The following DDR1 variants were observed in gnomAD, a reference collection of about 807,000 sequenced individuals.
DDR1 encodes the protein discoidin domain receptor tyrosine kinase 1, also known as epithelial discoidin domain-containing receptor 1.
A neutral mutation model predicts 97.4 loss-of-function variants in DDR1; 64 were observed. That is an observed-to-expected ratio of 0.66 (90% CI 0.54 to 0.81). The LOEUF (loss-of-function observed/expected upper bound fraction) is 0.81. Ranked by LOEUF, DDR1 falls within the 30% of genes least tolerant of loss-of-function variation. The probability of loss-of-function intolerance (pLI) is 0.00; values close to 1 mark genes in which losing one functional copy is unlikely to be tolerated. For synonymous variants in DDR1, 458 were observed against 503.7 expected (o/e 0.91, Z 1.21); for missense variants, 990 against 1,259.6 (o/e 0.79, Z 3.24).
rs746818887 is a variant in DDR1 at position 30,896,575 on chromosome 6, C to G, written c.1625-46C>G. On this transcript the variant is annotated intron_variant, in intron 12 of 17. Transcript: ENST00000376568. ...GGTGTGGGGAACTATAGCTCTTGGG[C>G]TGTTCCTGATGCCTCGTCCTGTCTT... is the stretch of plus-strand genomic sequence containing the variant. 29 of 1,585,056 alleles carry G rather than the reference C, an allele frequency of 1.8e-5. 1 individual carries two copies. The South Asian group carries it at 3.4e-4, about 18-fold the overall frequency.
rs1471120297 is a variant in DDR1 at position 30,896,750 on chromosome 6, C to A, written c.1754C>A (p.Thr585Asn). The A allele has an allele frequency of 6.3e-7, 1 of 1,593,858 alleles. No homozygotes were observed. The change falls in exon 13 of 18, where the codon ACC (threonine) becomes AAC (asparagine). Residue 585 changes from threonine (T) to asparagine (N), a missense_variant. Transcript: ENST00000376568. ...VTLQGVTGGNTYAVPALPPGA... is the reference protein window; with the variant it reads ...VTLQGVTGGNNYAVPALPPGA... ...CTGCAGGGCGTCACCGGGGGCAACA[C>A]CTATGCTGTGCCTGCACTGCCCCCA...
rs748412864 is a variant in DDR1 at position 30,890,850 on chromosome 6, C to T, written c.418-123C>T. The T allele has an allele frequency of 2.2e-5, 23 of 1,032,332 alleles. No homozygotes were observed. Among genetic ancestry groups the T allele is most frequent in the African/African-American group, 3.3e-5 (2 of 61,434 alleles). The allele number at this position is 1,032,332 out of a possible 1,614,324, so 63.9% of individuals were successfully genotyped here. On this transcript the variant is annotated intron_variant, in intron 4 of 17. Transcript: ENST00000376568. This position sits in a 1 kb window ranked among gnomAD's most constrained non-coding sequence, Gnocchi z 5.0. ...GCTGCGCCCCACAGTGCTGTGTGCT[C>T]GGTGCCACCCCTCATGGGTCTCTAA...
intron 10 of DDR1, among the ~76,000 whole-genome samples, chr6:30,893,821 G>A (rs1271261367): frequency 6.6e-6 from 1 of 152,230 alleles, no homozygotes; most frequent in Non-Finnish European, 1.5e-5. Context: ...GCCTGTTGGT[G>A]CAGTGTACAC....
chr6:30,885,075 G>A (rs1785283441), intron 1 of DDR1: 3 of 853,292 alleles, frequency 3.5e-6, no homozygotes, highest in African/African-American at 1.7e-5. Flanking sequence ...CAGTCCCTGC[G>A]GGCATCTAAC....
chr6:30,885,799 T>C (rs1462776201), intron 1 of DDR1: 2 of 1,290,270 alleles, frequency 1.6e-6, no homozygotes, highest in Admixed American at 4.6e-5. Flanking sequence ...CCTCGCTGTT[T>C]ACAGCCAGTT....
At chr6:30,895,057 A>T (rs768807057) in intron 11 of DDR1, among the ~76,000 whole-genome samples, 1 of 151,970 alleles carries the variant, frequency 6.6e-6, no homozygotes, top group African/African-American at 2.4e-5. Flanking sequence ...ATCTTCCATC[A>T]TCTGTCTTTC....
At position 30,890,516 on chromosome 6, in the gene DDR1, A is replaced by G; in HGVS notation, c.418-457A>G. 6.2e-6 allele frequency: 1 copy of G among 161,162 alleles called. No homozygotes were observed. The highest frequency in any genetic ancestry group is 1.3e-5 in the Non-Finnish European group (1 of 74,586). The allele number at this position is 161,162 out of a possible 1,614,324, so 10.0% of individuals were successfully genotyped here. A position where few individuals can be genotyped will look rare whatever the true frequency, so the allele number is the denominator to read the frequency against. ...CTTCGCAGCTGTTTTCCCTGCTGGGATCTCAGTCCTACAAGGGTGGGGAGT... is the reference window on the plus strand; with the variant it reads ...CTTCGCAGCTGTTTTCCCTGCTGGGGTCTCAGTCCTACAAGGGTGGGGAGT... On this transcript the variant is annotated intron_variant, in intron 4 of 17. Coordinates refer to ENST00000376568, the MANE Select transcript of DDR1 (RefSeq NM_001297654.2). The surrounding 1 kb of genome is among the most constrained non-coding windows in gnomAD (Gnocchi z 5.0).
intron 8 of DDR1, chr6:30,892,793 A>ATT (rs1293851723): frequency 1.7e-5 from 10 of 582,280 alleles, no homozygotes; most frequent in Non-Finnish European, 2.9e-5. Flanking sequence ...TGGTTGTTAA[A>ATT]ATATTGAAAT....
At position 30,890,477 on chromosome 6, in the gene DDR1, T is replaced by C. The variant is rs7743661; in HGVS notation, c.418-496T>C. 0.26 allele frequency: 40,288 copies of C among 155,460 alleles called. 6,159 individuals are homozygous for C. Among genetic ancestry groups the C allele is most frequent in the East Asian group, 0.61 (3,163 of 5,202 alleles). 9.6% of individuals were successfully genotyped at this position (155,460 alleles called of 1,614,324 possible). Reference sequence around the variant, plus strand: ...CCCACCTCACTGCTCTGTCCATACTTCCTGCCTCTTGTTCTTCGCAGCTGT... The same window carrying C: ...CCCACCTCACTGCTCTGTCCATACTCCCTGCCTCTTGTTCTTCGCAGCTGT... On this transcript the variant is annotated intron_variant, in intron 4 of 17. Transcript: ENST00000376568. This position sits in a 1 kb window ranked among gnomAD's most constrained non-coding sequence, Gnocchi z 5.0.
rs1191991024 is a variant in DDR1 at position 30,886,603 on chromosome 6, C to T, written c.-43+1893C>T. On this transcript the variant is annotated intron_variant, in intron 1 of 17. Coordinates refer to ENST00000376568, the MANE Select transcript of DDR1 (RefSeq NM_001297654.2). This position sits in a 1 kb window ranked among gnomAD's most constrained non-coding sequence, Gnocchi z 4.6. ...CTACCTCCTGGGGTGACCTGCCTTC[C>T]TTGTCTTTAGACCCGCCCTCGTCTC... 6.6e-6 allele frequency: 1 copy of T among 152,330 alleles called. No homozygotes were observed. Among genetic ancestry groups the T allele is most frequent in the Non-Finnish European group, 1.5e-5 (1 of 68,116 alleles). 9.4% of individuals were successfully genotyped at this position (152,330 alleles called of 1,614,324 possible).
intron 1 of DDR1, chr6:30,885,386 C>A: frequency 1.0e-6 from 1 of 972,500 alleles, no homozygotes. Flanking sequence ...GTGGTGGAGA[C>A]AGGTGAAAGG....
In DDR1 at chr6:30,894,642, A is replaced by G. The variant is rs2150393559; in HGVS notation, c.1484A>G (p.His495Arg). The G allele has an allele frequency of 6.2e-7, 1 of 1,608,158 alleles. No individual in the cohort carries two copies. Among genetic ancestry groups the G allele is most frequent in the Non-Finnish European group, 8.5e-7 (1 of 1,177,124 alleles). ...QEPRPRGNPP[H>R]SAPCVPNGSA... The stretch of plus-strand genomic sequence containing the variant: ...CCCCGGCCTCGTGGGAATCCGCCCC[A>G]CTCCGCTCCCTGTGTCCCCAATGGC... Residue 495 changes from histidine (H) to arginine (R), a missense_variant, in exon 11 of 18, where the codon CAC becomes CGC. His to Arg is a conservative substitution (Grantham distance 29). Coordinates refer to ENST00000376568, the MANE Select transcript of DDR1 (RefSeq NM_001297654.2). The surrounding 1 kb of genome is among the most constrained non-coding windows in gnomAD (Gnocchi z 5.7).
Position 30,891,439 on chromosome 6 carries a change from T to C in DDR1, c.625T>C (p.Tyr209His). ...GACAATGTATTTATCTGAGGCCGTG[T>C]ACCTCAACGACTCCACCTATGACGG... Reference protein sequence around the residue: ...GQTMYLSEAVYLNDSTYDGHT... With the variant: ...GQTMYLSEAVHLNDSTYDGHT... Residue 209 changes from tyrosine to histidine, a missense_variant, in exon 6 of 18, where the codon TAC (tyrosine) becomes CAC (histidine). By Grantham distance (83) the Tyr-to-His change is moderately conservative. Coordinates refer to ENST00000376568, the MANE Select transcript of DDR1 (RefSeq NM_001297654.2). The surrounding 1 kb of genome is among the most constrained non-coding windows in gnomAD (Gnocchi z 5.3). The C allele has an allele frequency of 2.5e-6, 4 of 1,612,768 alleles. No homozygotes were observed. The highest frequency in any genetic ancestry group is 3.4e-6 in the Non-Finnish European group (4 of 1,179,904).
chr6:30,890,166 G>GAC lies in DDR1; in HGVS notation c.417+739_417+740dup, dbSNP rs1787521720. Among the ~76,000 whole-genome samples, 2 of 152,138 alleles carry GAC rather than the reference G, an allele frequency of 1.3e-5. No homozygotes were observed. The highest frequency in any genetic ancestry group is 4.1e-4 in the South Asian group (2 of 4,828). On this transcript the variant is annotated intron_variant, in intron 4 of 17. Transcript: ENST00000376568. This position sits in a 1 kb window ranked among gnomAD's most constrained non-coding sequence, Gnocchi z 5.0. ...TAAATCAGATACGTCACACCTAGCT[G>GAC]ACACCCCCATGCTGGCTTTCCACTC...
At position 30,897,304 on chromosome 6, in the gene DDR1, C is replaced by A; in HGVS notation, c.1998-75C>A. On this transcript the variant is annotated intron_variant, in intron 14 of 17. Transcript: ENST00000376568. This position sits in a 1 kb window ranked among gnomAD's most constrained non-coding sequence, Gnocchi z 5.2. ...GACGCCTGGTCTGCCTGAGGTGGGG[C>A]AGGGGGGTGGGGGCGCGGGGGAAGG... 1.3e-6 allele frequency: 1 copy of A among 760,944 alleles called. No homozygotes were observed. The allele number at this position is 760,944 out of a possible 1,614,324, so 47.1% of individuals were successfully genotyped here.
rs1787593819 is a variant in DDR1, at chr6:30,890,349, T to C, written c.418-624T>C. 6.6e-6 allele frequency: 1 copy of C among 152,276 alleles called. No individual in the cohort carries two copies. Among genetic ancestry groups the C allele is most frequent in the Admixed American group, 6.5e-5 (1 of 15,274 alleles). 9.4% of individuals were successfully genotyped at this position (152,276 alleles called of 1,614,324 possible). On this transcript the variant is annotated intron_variant, in intron 4 of 17. Transcript: ENST00000376568. This position sits in a 1 kb window ranked among gnomAD's most constrained non-coding sequence, Gnocchi z 5.0. Reference sequence around the variant, plus strand: ...TCGTTCCCACAGCTTCTGGACATTTTCTCTGTGCCTGCAAAGCTCCTCCCC... The same window carrying C: ...TCGTTCCCACAGCTTCTGGACATTTCCTCTGTGCCTGCAAAGCTCCTCCCC...
intron 17 of DDR1, 50 bp downstream of exon 17, chr6:30,899,087 G>A (rs1792036684): frequency 6.2e-7 from 1 of 1,614,152 alleles, no homozygotes; most frequent in Middle Eastern, 1.6e-4. Context: ...GACAGAAGGG[G>A]CAGAGTTGTC....
intron 1 of DDR1, chr6:30,885,212 A>G (rs1264822661): frequency 2.0e-5 from 30 of 1,533,616 alleles, no homozygotes; most frequent in Non-Finnish European, 2.3e-5. Flanking sequence ...TAGCTCTGGC[A>G]TGAGAGAATG....
rs1334804764 is a variant in DDR1 at position 30,894,540 on chromosome 6, T to G, written c.1382T>G (p.Val461Gly). 1.9e-6 allele frequency: 3 copies of G among 1,612,386 alleles called. No homozygotes were observed. The highest frequency in any genetic ancestry group is 1.1e-5 in the South Asian group (1 of 90,822). ...AGGGTGTTGGAAGAGGAGCTGACGG[T>G]TCACCTCTCTGTCCCTGGGGACACT... ...ERRVLEEELTVHLSVPGDTIL... is the reference protein window; with the variant it reads ...ERRVLEEELTGHLSVPGDTIL... Residue 461 changes from valine (V) to glycine (G), a missense_variant, in exon 11 of 18, where the codon GTT becomes GGT. Physicochemically the swap from Val to Gly is moderately radical, Grantham distance 109 (BLOSUM62 -3). Transcript: ENST00000376568. This position sits in a 1 kb window ranked among gnomAD's most constrained non-coding sequence, Gnocchi z 5.7.
Sources: gnomAD v4.1 joint callset for allele counts (sites outside exome capture counted in the v4.1 genomes callset) on GRCh38, gnomAD v4.1.1 for gene constraint, Gnocchi (gnomAD v3.1) non-coding constraint, MANE v1.5 for transcripts, NCBI Gene and HGNC (gene_info 2026-07-23, HGNC 2026-07-21) for gene names.